STOX1: variants seen among roughly 807,000 people sequenced by gnomAD.
The protein encoded by STOX1 is storkhead box 1, also known as storkhead-box protein 1.
A neutral mutation model predicts 74.8 loss-of-function variants in STOX1; 57 were observed. The ratio of observed to expected loss-of-function variants is 0.76; its 90% CI spans 0.62 to 0.95. STOX1 has a LOEUF of 0.95. Ranked by LOEUF, STOX1 falls within the 40% of genes least tolerant of loss-of-function variation. STOX1 has a pLI of 0.00. For synonymous variants in STOX1, 375 were observed against 401.3 expected (o/e 0.93, Z 0.78); for missense variants, 1,010 against 1,117.0 (o/e 0.90, Z 1.37).
At position 68,827,552 on chromosome 10, in the gene STOX1, C is replaced by G. The variant is rs1014151784; in HGVS notation, c.-72C>G. ...GCGCGCAGTCGGCCGATCCTCCCGC[C>G]GAGCGAGCGGCGTCGTAGCCGCCGC... On this transcript the variant is annotated 5_prime_UTR_variant, in exon 1 of 4. Transcript: ENST00000298596. 100 of 1,012,856 alleles carry G rather than the reference C, an allele frequency of 9.9e-5. No homozygotes were observed. Among genetic ancestry groups the G allele is most frequent in the Non-Finnish European group, 1.2e-4 (97 of 827,570 alleles). 62.7% of individuals were successfully genotyped at this position (1,012,856 alleles called of 1,614,324 possible).
intron 1 of STOX1, among the ~76,000 whole-genome samples, chr10:68,867,191 C>T (rs59447971): frequency 0.028 from 4,326 of 152,068 alleles, 193 homozygotes; most frequent in African/African-American, 0.093. Context: ...GTGATCCGCC[C>T]GCCTCAGCCT....
At chr10:68,863,290 G>A (rs1286125090) in intron 1 of STOX1, among the ~76,000 whole-genome samples, 1 of 152,100 alleles carries the variant, frequency 6.6e-6, no homozygotes, top group East Asian at 1.9e-4. Flanking sequence ...AATACTCACG[G>A]CAATGCTGAT....
At position 68,882,003 on chromosome 10, in the gene STOX1, T is replaced by G. The variant is rs763129277; in HGVS notation, c.356T>G (p.Phe119Cys). 6.2e-7 allele frequency: 1 copy of G among 1,613,858 alleles called. No homozygotes were observed. The change falls in exon 2 of 4, where the codon TTC (phenylalanine) becomes TGC (cysteine). Residue 119 changes from phenylalanine (F) to cysteine (C), a missense_variant. Coordinates refer to ENST00000298596, the MANE Select transcript of STOX1 (RefSeq NM_152709.5). ...ATGAATCCAATAACTCAATCTCAGT[T>G]CGTACCTTTGGGTGAAGTTCTTTGC... is the stretch of plus-strand genomic sequence containing the variant. ...VQMNPITQSQFVPLGEVLCCA... is the reference protein window; with the variant it reads ...VQMNPITQSQCVPLGEVLCCA...
intron 1 of STOX1, among the ~76,000 whole-genome samples, chr10:68,841,828 A>T (rs1341165185): frequency 6.6e-6 from 1 of 152,096 alleles, no homozygotes; most frequent in Non-Finnish European, 1.5e-5. Flanking sequence ...TTGTGGGTAG[A>T]TGTTGGAGGC....
chr10:68,889,498 CTTTCT>C (rs1564590902), intron 3 of STOX1, among the ~76,000 whole-genome samples: 1 of 152,102 alleles, frequency 6.6e-6, no homozygotes, highest in African/African-American at 2.4e-5. Context: ...AGAGCCATGG[CTTTCT>C]TTTTTCATGT....
At chr10:68,871,183 T>G (rs1227861269) in intron 1 of STOX1, among the ~76,000 whole-genome samples, 1 of 152,230 alleles carries the variant, frequency 6.6e-6, no homozygotes. Context: ...TCAGCTGGTT[T>G]GAGTCGGTCA....
intron 1 of STOX1, among the ~76,000 whole-genome samples, chr10:68,837,096 G>A (rs1204633837): frequency 2.0e-5 from 3 of 152,188 alleles, no homozygotes; most frequent in Non-Finnish European, 1.5e-5. Flanking sequence ...AGGGGCAAAA[G>A]GCTCATGCCC....
chr10:68,831,957 G>T (rs967805964), intron 1 of STOX1, among the ~76,000 whole-genome samples: 1 of 151,014 alleles, frequency 6.6e-6, no homozygotes, highest in African/African-American at 2.4e-5. Flanking sequence ...TGGAGACAGG[G>T]CCTTGCTCTG....
chr10:68,872,342 C>CTTTTTTTTTTTT (rs72451894), intron 1 of STOX1, among the ~76,000 whole-genome samples: 5 of 89,320 alleles, frequency 5.6e-5, no homozygotes, highest in African/African-American at 2.1e-4. Flanking sequence ...TTTTTCTTTT[C>CTTTTTTTTTTTT]TTTTTTTTTT....
At chr10:68,854,322 C>T (rs1840067304) in intron 1 of STOX1, among the ~76,000 whole-genome samples, 2 of 151,416 alleles carry the variant, frequency 1.3e-5, no homozygotes, top group Non-Finnish European at 2.9e-5. Flanking sequence ...GACAAGGTCT[C>T]TTTCTGTCAC....
downstream of STOX1, among the ~76,000 whole-genome samples, chr10:68,894,469 T>C (rs1841157465): frequency 6.6e-6 from 1 of 152,182 alleles, no homozygotes; most frequent in South Asian, 2.1e-4. Flanking sequence ...CATTCACTGC[T>C]CTCTTTTGCA....
At chr10:68,852,647 G>A (rs1440370900) in intron 1 of STOX1, among the ~76,000 whole-genome samples, 5 of 150,708 alleles carry the variant, frequency 3.3e-5, no homozygotes, top group East Asian at 2.0e-4. Context: ...GCAGTCTCAC[G>A]ATCATAGCTC....
chr10:68,867,103 C>T (rs1010086885), intron 1 of STOX1, among the ~76,000 whole-genome samples: 11 of 152,044 alleles, frequency 7.2e-5, no homozygotes, highest in Admixed American at 1.3e-4. Flanking sequence ...CGCCACCACG[C>T]CCAGCTATTT....
At chr10:68,888,421 A>T (rs944419693) in intron 3 of STOX1, among the ~76,000 whole-genome samples, 1 of 151,980 alleles carries the variant, frequency 6.6e-6, no homozygotes, top group Non-Finnish European at 1.5e-5. Flanking sequence ...GATATTTTTT[A>T]AAAATCATTT....
At chr10:68,832,017 G>T (rs1302440009) in intron 1 of STOX1, among the ~76,000 whole-genome samples, 1 of 150,674 alleles carries the variant, frequency 6.6e-6, no homozygotes, top group Non-Finnish European at 1.5e-5. Flanking sequence ...CTCCCCCCTC[G>T]GCCTCCCAAA....
downstream of STOX1, among the ~76,000 whole-genome samples, chr10:68,894,850 C>G (rs192722375): frequency 6.6e-6 from 1 of 152,124 alleles, no homozygotes; most frequent in African/African-American, 2.4e-5. Context: ...TTTAGCCCCC[C>G]GAGTAGCTGG....
chr10:68,851,299 T>TAA (rs35166698), intron 1 of STOX1, among the ~76,000 whole-genome samples: 1,561 of 108,586 alleles, frequency 0.014, 24 homozygotes, highest in African/African-American at 0.047. Context: ...TGAGACTTTC[T>TAA]AAAAAAAAAA....
At chr10:68,881,744 AC>A (rs35903778) in intron 1 of STOX1, among the ~76,000 whole-genome samples, 19,550 of 152,174 alleles carry the variant, frequency 0.13, 2,329 homozygotes, top group African/African-American at 0.32. Context: ...GACAGTTAAT[AC>A]ACATTTCTTA....
In STOX1 at chr10:68,884,355, G is replaced by A. The variant is rs1157485637; in HGVS notation, c.559G>A (p.Val187Ile). The change falls in exon 3 of 4, where the codon GTT becomes ATT. Residue 187 changes from valine (V) to isoleucine (I), a missense_variant. Physicochemically the swap from Val to Ile is conservative, Grantham distance 29. Coordinates refer to ENST00000298596, the MANE Select transcript of STOX1 (RefSeq NM_152709.5). ...IYHTGEGYFI[V>I]TPQTYFITNT... Reference sequence around the variant, plus strand: ...TCACACTGGAGAAGGATACTTCATAGTTACTCCTCAGACTTACTTCATTAC... The same window carrying A: ...TCACACTGGAGAAGGATACTTCATAATTACTCCTCAGACTTACTTCATTAC... 1.2e-6 allele frequency: 2 copies of A among 1,614,164 alleles called. No individual in the cohort carries two copies. The highest frequency in any genetic ancestry group is 8.5e-7 in the Non-Finnish European group (1 of 1,180,012).
Sources: gnomAD v4.1 joint callset for allele counts (sites outside exome capture counted in the v4.1 genomes callset) on GRCh38, gnomAD v4.1.1 for gene constraint, MANE v1.5 for transcripts, NCBI Gene and HGNC (gene_info 2026-07-23, HGNC 2026-07-21) for gene names.